The following FBXL20 variants were observed in gnomAD, a reference collection of about 807,000 sequenced individuals.
FBXL20 encodes the protein F-box and leucine rich repeat protein 20.
FBXL20 carries 11 observed loss-of-function variants against 64.0 expected under a neutral mutation model. The observed-to-expected ratio is 0.17, with a 90% CI of 0.11 to 0.28. FBXL20 has a LOEUF of 0.28. Among genes scored for constraint, FBXL20 ranks in the 10% least tolerant of loss-of-function variants. FBXL20 has a pLI of 1.00. For missense variants in FBXL20, 303 were observed against 526.2 expected, an observed-to-expected ratio of 0.58 and a Z score of 4.15; for synonymous variants, 184 against 189.0, an observed-to-expected ratio of 0.97 and a Z score of 0.22.
chr17:39,288,471 TC>T (rs1341622828), intron 6 of FBXL20, among the ~76,000 whole-genome samples: 1 of 152,106 alleles, frequency 6.6e-6, no homozygotes, highest in East Asian at 1.9e-4. Context: ...CTTTTCATTT[TC>T]TTTCTTTTCT....
intron 2 of FBXL20, among the ~76,000 whole-genome samples, chr17:39,308,568 A>ATT (rs71141795): frequency 4.6e-4 from 66 of 144,926 alleles, no homozygotes; most frequent in African/African-American, 8.9e-4. Context: ...TAATACAATA[A>ATT]TTTTTTTTTT....
intron 8 of FBXL20, among the ~76,000 whole-genome samples, chr17:39,281,671 A>C (rs2046951629): frequency 6.6e-6 from 1 of 152,202 alleles, no homozygotes; most frequent in African/African-American, 2.4e-5. Context: ...GACCACATTC[A>C]AATTCACATA....
At chr17:39,306,154 CTT>C (rs113757275) in intron 2 of FBXL20, among the ~76,000 whole-genome samples, 15 of 140,650 alleles carry the variant, frequency 1.1e-4, no homozygotes, top group Admixed American at 1.4e-4. Flanking sequence ...AGAGTGAGTT[CTT>C]TTTTTTTTTT....
chr17:39,388,761 T>C (rs890291770), intron 1 of FBXL20, among the ~76,000 whole-genome samples: 5 of 148,684 alleles, frequency 3.4e-5, no homozygotes, highest in Non-Finnish European at 5.9e-5. Context: ...GGATTACAGG[T>C]GTGAGCCACC....
intron 1 of FBXL20, among the ~76,000 whole-genome samples, chr17:39,399,066 C>T (rs2048215590): frequency 6.6e-6 from 1 of 152,160 alleles, no homozygotes; most frequent in Non-Finnish European, 1.5e-5. Flanking sequence ...CATATAAAAG[C>T]ATACCTACAA....
intron 2 of FBXL20, among the ~76,000 whole-genome samples, chr17:39,311,948 G>C (rs2047238734): frequency 6.6e-6 from 1 of 152,086 alleles, no homozygotes; most frequent in African/African-American, 2.4e-5. Flanking sequence ...TGCAGACTTA[G>C]GAGTACCATT....
intron 1 of FBXL20, among the ~76,000 whole-genome samples, chr17:39,375,779 T>C (rs1229989692): frequency 1.3e-5 from 2 of 152,188 alleles, no homozygotes; most frequent in Non-Finnish European, 2.9e-5. Flanking sequence ...TAGAGGTTTG[T>C]ATCATTTTAA....
upstream of FBXL20, chr17:39,402,095 C>T: frequency 8.3e-7 from 1 of 1,197,946 alleles, no homozygotes; most frequent in Non-Finnish European, 1.0e-6. Context: ...CCCGTCGCCC[C>T]TCGTCACTTG....
At chr17:39,326,179 G>A (rs1270973180) in intron 2 of FBXL20, among the ~76,000 whole-genome samples, 1 of 151,474 alleles carries the variant, frequency 6.6e-6, no homozygotes, top group Non-Finnish European at 1.5e-5. Flanking sequence ...CTAGTTTCTG[G>A]TATAGGCTGC....
intron 1 of FBXL20, among the ~76,000 whole-genome samples, chr17:39,354,016 G>C (rs1206947828): frequency 1.3e-5 from 2 of 152,150 alleles, no homozygotes; most frequent in Non-Finnish European, 2.9e-5. Context: ...CTACTGAACT[G>C]TGTAATGTAC....
chr17:39,329,701 AAC>A (rs2144534704), intron 2 of FBXL20, among the ~76,000 whole-genome samples: 1 of 152,288 alleles, frequency 6.6e-6, no homozygotes, highest in East Asian at 1.9e-4. Context: ...TCAGAAAAAA[AAC>A]AGAGGGAAAA....
rs116132339 is a variant in FBXL20 at position 39,394,703 on chromosome 17, T to G, written c.42+6658A>C. Among the ~76,000 whole-genome samples, 1,068 of 151,932 alleles carry G rather than the reference T, an allele frequency of 7.0e-3. 14 individuals carry two copies. The highest frequency in any genetic ancestry group is 0.025 in the African/African-American group (1,027 of 41,440). On this transcript the variant is annotated intron_variant, in intron 1 of 14. Coordinates refer to ENST00000264658, the MANE Select transcript of FBXL20 (RefSeq NM_032875.3). ...CCTCAGCCTTCTGAGTACCTGAAAT[T>G]ACACACACTACTACACGTCTAATTT...
At chr17:39,262,345 GAT>G (rs576754811) in intron 14 of FBXL20, among the ~76,000 whole-genome samples, 1 of 152,092 alleles carries the variant, frequency 6.6e-6, no homozygotes, top group Non-Finnish European at 1.5e-5. Flanking sequence ...GCAATGGTGT[GAT>G]CTTGGCTCAC....
At chr17:39,384,570 T>C (rs1418294434) in intron 1 of FBXL20, among the ~76,000 whole-genome samples, 1 of 151,888 alleles carries the variant, frequency 6.6e-6, no homozygotes. Context: ...ATATAATTTG[T>C]ATAAATTAAA....
chr17:39,307,211 G>A (rs1475989288), intron 2 of FBXL20, among the ~76,000 whole-genome samples: 1 of 152,122 alleles, frequency 6.6e-6, no homozygotes, highest in African/African-American at 2.4e-5. Context: ...AGTCCCTACT[G>A]TTGAGTAACT....
intron 1 of FBXL20, among the ~76,000 whole-genome samples, chr17:39,392,639 T>C (rs568679690): frequency 6.6e-6 from 1 of 152,242 alleles, no homozygotes; most frequent in South Asian, 2.1e-4. Flanking sequence ...CCACATATAA[T>C]TCCTCACTCT....
At chr17:39,281,583 A>G in intron 8 of FBXL20, 120 bp from the exon 9 acceptor site, 1 of 690,850 alleles carries the variant, frequency 1.4e-6, no homozygotes, top group Non-Finnish European at 2.5e-6. Flanking sequence ...TCGAAGGAAC[A>G]ATGAATCAGA....
chr17:39,307,540 G>A (rs547142721), intron 2 of FBXL20, among the ~76,000 whole-genome samples: 1 of 152,114 alleles, frequency 6.6e-6, no homozygotes, highest in Admixed American at 6.6e-5. Context: ...TATGTACCAG[G>A]TATCATTCTA....
chr17:39,262,442 G>A (rs1398062419), intron 14 of FBXL20, among the ~76,000 whole-genome samples: 2 of 151,868 alleles, frequency 1.3e-5, no homozygotes, highest in Admixed American at 6.6e-5. Flanking sequence ...CACCATGCTC[G>A]GCTAATTTTT....
Sources: gnomAD v4.1 joint callset for allele counts (sites outside exome capture counted in the v4.1 genomes callset) on GRCh38, gnomAD v4.1.1 for gene constraint, MANE v1.5 for transcripts, NCBI Gene and HGNC (gene_info 2026-07-23, HGNC 2026-07-21) for gene names.